The following PLB1 variants were observed in gnomAD, a reference collection of about 807,000 sequenced individuals.
PLB1 encodes phospholipase B1.
Under a neutral mutation model 227.4 loss-of-function variants are expected in PLB1, and 242 were observed. The observed-to-expected ratio is 1.06, with a 90% confidence interval of 0.96 to 1.18. The LOEUF (loss-of-function observed/expected upper bound fraction) is 1.18, where lower values mean the gene tolerates loss of function less well. Among genes scored for constraint, PLB1 ranks in the 50% most tolerant of loss-of-function variants. The pLI is 0.00. For synonymous variants in PLB1, 757 were observed against 682.2 expected (o/e 1.11, Z -1.71); for missense variants, 1,858 against 1,816.3 (o/e 1.02, Z -0.42).
At chr2:28,620,381 G>A (rs968807741) in intron 47 of PLB1, 49 bp downstream of exon 47, 8 of 1,513,354 alleles carry the variant, frequency 5.3e-6, no homozygotes. Context: ...CTCTCAGAGA[G>A]GTGTGAGTAG....
At chr2:28,595,972 G>A (rs1028958340) in intron 33 of PLB1, 3 of 152,180 alleles carry the variant, frequency 2.0e-5, no homozygotes, top group African/African-American at 7.2e-5. Flanking sequence ...TGGGCCCCAA[G>A]GTCTTGAGAG....
intron 25 of PLB1, among the ~76,000 whole-genome samples, chr2:28,583,011 G>C (rs1197355510): frequency 6.6e-6 from 1 of 152,100 alleles, no homozygotes; most frequent in Non-Finnish European, 1.5e-5. Context: ...AGAATTAGCA[G>C]GGTCCAGAGG....
chr2:28,526,005 C>T (rs977563510), intron 6 of PLB1, 60 bp downstream of exon 6: 1 of 1,585,050 alleles, frequency 6.3e-7, no homozygotes, highest in African/African-American at 1.3e-5. Flanking sequence ...AACACAGCAG[C>T]ATCCTCTCTA....
chr2:28,577,776 G>A (rs764593576), intron 21 of PLB1, among the ~76,000 whole-genome samples: 3 of 152,214 alleles, frequency 2.0e-5, no homozygotes, highest in Non-Finnish European at 4.4e-5. Flanking sequence ...AGGAGGCAGG[G>A]TTGCAGTAAG....
intron 1 of PLB1, among the ~76,000 whole-genome samples, chr2:28,500,155 A>C (rs538646172): frequency 7.9e-5 from 12 of 152,342 alleles, no homozygotes; most frequent in Admixed American, 1.3e-4. Flanking sequence ...ATTGCTTATT[A>C]GATTTATCAG....
At chr2:28,506,903 G>A (rs1263777272) in intron 1 of PLB1, among the ~76,000 whole-genome samples, 1 of 152,082 alleles carries the variant, frequency 6.6e-6, no homozygotes, top group Non-Finnish European at 1.5e-5. Context: ...TTGCATCTCT[G>A]AGAATGAGGG....
intron 11 of PLB1, 61 bp downstream of exon 11, chr2:28,539,239 TGGG>T: frequency 6.9e-7 from 1 of 1,440,368 alleles, no homozygotes; most frequent in South Asian, 1.1e-5. Flanking sequence ...GTGCGGCCTG[TGGG>T]GGCCCTTCAT....
At chr2:28,617,309 CAGTT>C (rs1438576971) in intron 44 of PLB1, among the ~76,000 whole-genome samples, 1 of 152,042 alleles carries the variant, frequency 6.6e-6, no homozygotes, top group Non-Finnish European at 1.5e-5. Flanking sequence ...TAATTAGTGT[CAGTT>C]AGCTTAATTT....
chr2:28,529,422 T>G lies in PLB1; in HGVS notation c.416+15T>G. ...GATGGTGCTGAGTAAGTTCCCTTTC[T>G]GTCTCTCTCTGAGGTTATGTGTTCC... is the stretch of plus-strand genomic sequence containing the variant. On this transcript the variant is annotated intron_variant, in intron 7 of 57. Transcript: ENST00000327757. 1 of 1,562,792 alleles carries G rather than the reference T, an allele frequency of 6.4e-7. No homozygotes were observed. The highest frequency in any genetic ancestry group is 1.7e-5 in the Admixed American group (1 of 59,950).
At position 28,589,674 on chromosome 2, in the gene PLB1, G is replaced by C. The variant is rs779686618; in HGVS notation, c.1921-1G>C. On this transcript the variant is annotated splice_acceptor_variant, in intron 27 of 57. Transcript: ENST00000327757. LOFTEE classifies it high-confidence loss of function. ...CCTCTCTTTTTCTGCCCGGTGACCA[G>C]GAAGGATTGCCTGACAACTCTTTCT... 4 of 1,614,084 alleles carry C rather than the reference G, an allele frequency of 2.5e-6. No homozygotes were observed. The Admixed American group carries it at 6.7e-5, about 27-fold the overall frequency.
At position 28,632,963 on chromosome 2, in the gene PLB1, CCTT is replaced by C. The variant is rs1383298835; in HGVS notation, c.4028_4030del (p.Phe1343del). 19 of 1,614,008 alleles carry C rather than the reference CCTT, an allele frequency of 1.2e-5. No individual in the cohort carries two copies. Among genetic ancestry groups the C allele is most frequent in the Non-Finnish European group, 1.4e-5 (17 of 1,180,018 alleles). Reference sequence around the variant, plus strand: ...TTGCAGAGAGGGGACACTGACCTCACCTTCTTCTCCGAGGACTGTTTTCACTTC... The same window carrying C: ...TTGCAGAGAGGGGACACTGACCTCACCTTCTCCGAGGACTGTTTTCACTTC... On this transcript the variant is annotated inframe_deletion, in exon 56 of 58. Transcript: ENST00000327757.
intron 33 of PLB1, among the ~76,000 whole-genome samples, chr2:28,596,287 C>T (rs1011555649): frequency 3.3e-5 from 5 of 152,144 alleles, no homozygotes; most frequent in South Asian, 2.1e-4. Flanking sequence ...CTTCCTTTCA[C>T]GTTTCATGGT....
At chr2:28,569,051 A>G (rs888315359) in intron 20 of PLB1, among the ~76,000 whole-genome samples, 4 of 152,182 alleles carry the variant, frequency 2.6e-5, no homozygotes, top group African/African-American at 9.7e-5. Flanking sequence ...TTAGTGTAAT[A>G]TCCCCAAACC....
rs1442657553 is a variant in PLB1 at position 28,618,386 on chromosome 2, G to T, written c.3302G>T (p.Gly1101Val). ...PADIKVVAALGDSLTTAVGAR... is the reference protein window; with the variant it reads ...PADIKVVAALVDSLTTAVGAR... ...GACATCAAAGTGGTGGCCGCCCTGG[G>T]TGACTCTCTGACTGTGAGTAGTGAG... Residue 1101 changes from glycine to valine, a missense_variant, in exon 46 of 58, where the codon GGT (glycine) becomes GTT (valine). By Grantham distance (109) the Gly-to-Val change is moderately radical. Transcript: ENST00000327757. 6.2e-7 allele frequency: 1 copy of T among 1,614,110 alleles called. No individual in the cohort carries two copies. Among genetic ancestry groups the T allele is most frequent in the Non-Finnish European group, 8.5e-7 (1 of 1,180,014 alleles).
chr2:28,632,133 T>C lies in PLB1; in HGVS notation c.3995T>C (p.Leu1332Pro), dbSNP rs1228356710. 1 of 1,612,732 alleles carries C rather than the reference T, an allele frequency of 6.2e-7. No individual in the cohort carries two copies. The highest frequency in any genetic ancestry group is 2.2e-5 in the East Asian group (1 of 44,872). ...QPFFQNTLTP[L>P]NERGDTDLTF... ...TTCTTCCAAAACACACTCACCCCAC[T>C]GAACGAGGTGAGCTGCAGGTATTTT... The change falls in exon 55 of 58, where the codon CTG becomes CCG. Residue 1332 changes from leucine to proline, a missense_variant. Coordinates refer to ENST00000327757, the MANE Select transcript of PLB1 (RefSeq NM_153021.5).
intron 24 of PLB1, 44 bp downstream of exon 24, chr2:28,582,177 CT>C (rs1680140970): frequency 6.3e-7 from 1 of 1,588,166 alleles, no homozygotes; most frequent in Non-Finnish European, 8.6e-7. Flanking sequence ...GACCTCAGAC[CT>C]AGCCTAGAGG....
rs536476788 is a variant in PLB1 at position 28,554,489 on chromosome 2, C to CTTTTTTTTTTTTTT, written c.1147+1514_1147+1527dup. Among the ~76,000 whole-genome samples, 71 of 85,466 alleles carry CTTTTTTTTTTTTTT rather than the reference C, an allele frequency of 8.3e-4. 8 individuals carry two copies. Among genetic ancestry groups the CTTTTTTTTTTTTTT allele is most frequent in the Non-Finnish European group, 8.8e-4 (42 of 47,842 alleles). 56.1% of individuals were successfully genotyped at this position (85,466 alleles called of 152,430 possible). ...CTACAGGCATTATCACCACACCTGC[C>CTTTTTTTTTTTTTT]TTTTTTTTTTTTTTTTTTTTTTTTT... On this transcript the variant is annotated intron_variant, in intron 17 of 57. Coordinates refer to ENST00000327757, the MANE Select transcript of PLB1 (RefSeq NM_153021.5).
At chr2:28,591,848 C>G in intron 31 of PLB1, 88 bp downstream of exon 31, 2 of 1,317,738 alleles carry the variant, frequency 1.5e-6, no homozygotes, top group East Asian at 2.3e-5. Flanking sequence ...TTCACACTCA[C>G]TAAATGGCAC....
chr2:28,539,313 G>A (rs1672138957), intron 11 of PLB1, 135 bp downstream of exon 11: 2 of 786,058 alleles, frequency 2.5e-6, no homozygotes, highest in Non-Finnish European at 4.3e-6. Context: ...AGAAACACAT[G>A]CGAGCTCACA....
Sources: allele counts gnomAD v4.1 joint callset (sites outside exome capture counted in the v4.1 genomes callset), GRCh38; gene constraint gnomAD v4.1.1; transcripts MANE v1.5; gene names NCBI Gene and HGNC (gene_info 2026-07-23, HGNC 2026-07-21).